Variants in CLNK observed in about 807,000 individuals in gnomAD.
CLNK encodes cytokine dependent hematopoietic cell linker, also known as cytokine-dependent hematopoietic cell linker.
Under a neutral mutation model 68.6 loss-of-function variants are expected in CLNK, and 74 were observed. The observed-to-expected ratio is 1.08, with a 90% CI of 0.89 to 1.31. The LOEUF (loss-of-function observed/expected upper bound fraction) is 1.31, where lower values mean the gene tolerates loss of function less well. Among genes scored for constraint, CLNK ranks in the 50% most tolerant of loss-of-function variants. The pLI is 0.00. For missense variants in CLNK, 553 were observed against 515.3 expected (o/e 1.07, Z -0.71); for synonymous variants, 198 against 172.2 (o/e 1.15, Z -1.17).
chr4:10,659,891 C>T (rs557210031), intron 2 of CLNK, among the ~76,000 whole-genome samples: 1 of 152,126 alleles, frequency 6.6e-6, no homozygotes, highest in Non-Finnish European at 1.5e-5. Flanking sequence ...ATTTTACTGT[C>T]AGGTGTACTT....
chr4:10,650,336 C>T (rs553388841), intron 2 of CLNK, among the ~76,000 whole-genome samples: 1 of 152,042 alleles, frequency 6.6e-6, no homozygotes, highest in Admixed American at 6.6e-5. Context: ...AAAAAATACT[C>T]AAAGAGATAA....
At chr4:10,492,168 G>A (rs770206581) in intron 18 of CLNK, among the ~76,000 whole-genome samples, 2 of 152,160 alleles carry the variant, frequency 1.3e-5, no homozygotes, top group East Asian at 1.9e-4. Flanking sequence ...GAAGTGGACC[G>A]CCTTACTCAG....
intron 4 of CLNK, among the ~76,000 whole-genome samples, chr4:10,573,545 G>A (rs1339405490): frequency 1.3e-5 from 2 of 152,076 alleles, no homozygotes; most frequent in South Asian, 4.1e-4. Context: ...CTCATGAATC[G>A]AGTTAAATTA....
At chr4:10,618,289 A>T (rs1409025982) in intron 2 of CLNK, among the ~76,000 whole-genome samples, 1 of 152,206 alleles carries the variant, frequency 6.6e-6, no homozygotes, top group Non-Finnish European at 1.5e-5. Flanking sequence ...CTATTGACTG[A>T]TTTCATTTAG....
intron 1 of CLNK, among the ~76,000 whole-genome samples, chr4:10,681,337 T>C (rs1428860389): frequency 6.6e-6 from 1 of 152,228 alleles, no homozygotes; most frequent in Non-Finnish European, 1.5e-5. Flanking sequence ...AAACTGATGG[T>C]GAAATGTGGT....
chr4:10,667,738 GGA>G, intron 2 of CLNK, 119 bp downstream of exon 2: 3 of 339,092 alleles, frequency 8.8e-6, no homozygotes, highest in Non-Finnish European at 1.3e-5. Context: ...TGGCCTCTCA[GGA>G]AATCCCTTTT....
At chr4:10,661,854 T>C (rs1489786948) in intron 2 of CLNK, among the ~76,000 whole-genome samples, 1 of 152,216 alleles carries the variant, frequency 6.6e-6, no homozygotes, top group African/African-American at 2.4e-5. Context: ...CAGAAGAGTG[T>C]TTGAGAAGAT....
At chr4:10,697,984 T>C in the CLNK span, among the ~76,000 whole-genome samples, 12 of 152,326 alleles carry the variant, frequency 7.9e-5, no homozygotes, top group African/African-American at 2.9e-4. Context: ...GAACAGGATA[T>C]ATGTCTATGG....
intron 15 of CLNK, among the ~76,000 whole-genome samples, chr4:10,516,499 C>T (rs1392417628): frequency 6.6e-6 from 1 of 151,300 alleles, no homozygotes; most frequent in Non-Finnish European, 1.5e-5. Flanking sequence ...CTAAGAAGAA[C>T]ACTACTTCTG....
At chr4:10,563,010 C>T (rs976830444) in intron 7 of CLNK, among the ~76,000 whole-genome samples, 3 of 152,154 alleles carry the variant, frequency 2.0e-5, no homozygotes, top group African/African-American at 7.2e-5. Context: ...AAGTGTTTAG[C>T]TTCAATCACT....
chr4:10,629,562 C>T (rs1163928801), intron 2 of CLNK, among the ~76,000 whole-genome samples: 1 of 151,636 alleles, frequency 6.6e-6, no homozygotes, highest in Non-Finnish European at 1.5e-5. Flanking sequence ...TGCGAGGGGA[C>T]GCCCACATCA....
intron 18 of CLNK, among the ~76,000 whole-genome samples, chr4:10,491,780 T>A (rs368383135): frequency 3.0e-4 from 46 of 152,236 alleles, no homozygotes; most frequent in East Asian, 2.3e-3. Context: ...TTTTTTTTTT[T>A]AATTTCAACA....
intron 11 of CLNK, among the ~76,000 whole-genome samples, chr4:10,534,950 T>C (rs745804379): frequency 3.9e-5 from 6 of 152,200 alleles, no homozygotes; most frequent in Non-Finnish European, 7.3e-5. Flanking sequence ...CCACGGTTTC[T>C]CGATATCTAT....
At chr4:10,658,124 G>T (rs1353008823) in intron 2 of CLNK, among the ~76,000 whole-genome samples, 1 of 152,084 alleles carries the variant, frequency 6.6e-6, no homozygotes, top group African/African-American at 2.4e-5. Flanking sequence ...CCCAGGATTT[G>T]CTCCAAGTAG....
chr4:10,560,895 C>T (rs2108820008), intron 7 of CLNK, among the ~76,000 whole-genome samples: 1 of 151,958 alleles, frequency 6.6e-6, no homozygotes, highest in South Asian at 2.1e-4. Context: ...GAAACTCCTC[C>T]CCCACCTCTT....
the CLNK span, among the ~76,000 whole-genome samples, chr4:10,690,871 G>T: frequency 1.3e-5 from 2 of 151,940 alleles, no homozygotes; most frequent in Non-Finnish European, 2.9e-5. Flanking sequence ...GGAGGCCATG[G>T]GAGCAGGTAG....
the CLNK span, among the ~76,000 whole-genome samples, chr4:10,712,426 C>T: frequency 6.6e-6 from 1 of 152,110 alleles, no homozygotes; most frequent in Non-Finnish European, 1.5e-5. Context: ...AGCTAACCAC[C>T]CTGGCTCATT....
chr4:10,729,779 G>A, the CLNK span, among the ~76,000 whole-genome samples: 76 of 152,286 alleles, frequency 5.0e-4, no homozygotes, highest in African/African-American at 1.7e-3. Flanking sequence ...TATAATTTAT[G>A]TATAATTACC....
intron 12 of CLNK, among the ~76,000 whole-genome samples, chr4:10,529,159 T>C (rs550578690): frequency 6.8e-4 from 103 of 152,358 alleles, no homozygotes; most frequent in Non-Finnish European, 4.0e-4. Flanking sequence ...ACCAGGGGGA[T>C]GAAAGAGATC....
Sources: gnomAD v4.1 joint callset for allele counts (sites outside exome capture counted in the v4.1 genomes callset) on GRCh38, gnomAD v4.1.1 for gene constraint, MANE v1.5 for transcripts, NCBI Gene and HGNC (gene_info 2026-07-23, HGNC 2026-07-21) for gene names.